Variants in SLC38A6 observed in about 807,000 individuals in gnomAD.
SLC38A6 encodes the protein solute carrier family 38 member 6, also known as N system amino acid transporter NAT-1.
SLC38A6 carries 73 observed loss-of-function variants against 65.0 expected under a neutral mutation model. That is an observed-to-expected ratio of 1.12 (90% CI 0.93 to 1.37). The LOEUF is 1.37. SLC38A6 is among the 40% of genes most tolerant of loss of function. The pLI, the probability that SLC38A6 is intolerant of heterozygous loss-of-function variation, is 0.00. For synonymous variants in SLC38A6, 183 were observed against 178.8 expected, an observed-to-expected ratio of 1.02 and a Z score of -0.19; for missense variants, 561 against 531.1, an observed-to-expected ratio of 1.06 and a Z score of -0.55.
intron 8 of SLC38A6, among the ~76,000 whole-genome samples, chr14:61,041,959 G>GTT (rs144531121): frequency 4.0e-5 from 6 of 150,670 alleles, no homozygotes; most frequent in South Asian, 2.1e-4. Context: ...CATCCTCATC[G>GTT]TTTTTTTTTG....
chr14:60,989,033 A>G (rs1473227959), intron 3 of SLC38A6, among the ~76,000 whole-genome samples: 3 of 152,016 alleles, frequency 2.0e-5, no homozygotes, highest in African/African-American at 7.3e-5. Context: ...GCTTTTTTAT[A>G]TCTTCTCCTG....
At chr14:61,012,474 T>G (rs2139494507) in intron 3 of SLC38A6, among the ~76,000 whole-genome samples, 1 of 152,302 alleles carries the variant, frequency 6.6e-6, no homozygotes, top group South Asian at 2.1e-4. Context: ...TATTGTGATG[T>G]TAGGGTGTCA....
At chr14:61,061,894 A>G (rs958467938) in intron 15 of SLC38A6, among the ~76,000 whole-genome samples, 2 of 151,914 alleles carry the variant, frequency 1.3e-5, no homozygotes, top group Admixed American at 6.6e-5. Context: ...CTGGAGTGCA[A>G]TGGTGTGATC....
intron 6 of SLC38A6, among the ~76,000 whole-genome samples, chr14:61,031,617 A>G (rs1305036010): frequency 6.6e-6 from 1 of 152,080 alleles, no homozygotes; most frequent in Non-Finnish European, 1.5e-5. Flanking sequence ...CACATCTGAT[A>G]CTCAAAACTA....
At chr14:61,015,845 T>TA in intron 3 of SLC38A6, 59 bp from the exon 4 acceptor site, 26 of 1,393,198 alleles carry the variant, frequency 1.9e-5, no homozygotes, top group Non-Finnish European at 2.6e-5. Context: ...CTCTTCTCTT[T>TA]AGGACCTGAC....
At chr14:61,040,401 G>A (rs528214712) in intron 8 of SLC38A6, among the ~76,000 whole-genome samples, 37 of 149,406 alleles carry the variant, frequency 2.5e-4, no homozygotes, top group African/African-American at 8.1e-4. Context: ...GTGCAGTGGC[G>A]CCATCTCGGC....
chr14:61,030,579 A>G, intron 6 of SLC38A6, 56 bp downstream of exon 6: 4 of 1,208,112 alleles, frequency 3.3e-6, no homozygotes, highest in Non-Finnish European at 4.8e-6. Context: ...ATAAATATGT[A>G]TTAAGCTGTA....
chr14:61,007,655 T>C (rs2039244482), intron 3 of SLC38A6, among the ~76,000 whole-genome samples: 1 of 151,690 alleles, frequency 6.6e-6, no homozygotes, highest in Non-Finnish European at 1.5e-5. Flanking sequence ...AAAATAAGAA[T>C]GTACATATTT....
At chr14:61,035,834 C>T (rs1020945158) in intron 6 of SLC38A6, among the ~76,000 whole-genome samples, 19 of 152,056 alleles carry the variant, frequency 1.2e-4, no homozygotes, top group Admixed American at 1.2e-3. Context: ...TTAAAAATGT[C>T]TACATATGTA....
intron 15 of SLC38A6, among the ~76,000 whole-genome samples, chr14:61,067,456 C>A (rs1279549338): frequency 6.6e-6 from 1 of 152,086 alleles, no homozygotes; most frequent in Non-Finnish European, 1.5e-5. Context: ...ATATCCTGAC[C>A]AATGCATTTA....
intron 5 of SLC38A6, among the ~76,000 whole-genome samples, chr14:61,029,082 G>A (rs1395907370): frequency 6.6e-6 from 1 of 151,680 alleles, no homozygotes; most frequent in African/African-American, 2.4e-5. Context: ...AGTTTTGTAA[G>A]GAGAAAGTGA....
rs542356512 is a variant in SLC38A6 at position 61,080,119 on chromosome 14, A to G, written c.1408+1192A>G. Among the ~76,000 whole-genome samples the G allele has an allele frequency of 2.0e-5, 3 of 152,310 alleles. No individual in the cohort carries two copies. The East Asian group carries it at 5.8e-4, about 29-fold the overall frequency. The stretch of plus-strand genomic sequence containing the variant: ...GCATTAAAAGGCAATAACAACAACA[A>G]CAACATAACCTGTTAATTTTATGCA... On this transcript the variant is annotated intron_variant, in intron 16 of 16. Coordinates refer to the SLC38A6 transcript ENST00000354886.
downstream of SLC38A6, among the ~76,000 whole-genome samples, chr14:61,057,024 G>A (rs1237358750): frequency 2.5e-5 from 3 of 120,778 alleles, no homozygotes; most frequent in Non-Finnish European, 5.2e-5. Flanking sequence ...TTTGGGCTGA[G>A]ACGATGGGGT....
At chr14:61,080,575 A>G (rs2043603213) in intron 16 of SLC38A6, among the ~76,000 whole-genome samples, 1 of 152,224 alleles carries the variant, frequency 6.6e-6, no homozygotes, top group South Asian at 2.1e-4. Context: ...GCTCAGAATC[A>G]AGTCTGGGAA....
At chr14:61,043,622 G>A in intron 10 of SLC38A6, 119 bp downstream of exon 10, 1 of 626,868 alleles carries the variant, frequency 1.6e-6, no homozygotes, top group South Asian at 2.7e-5. Context: ...TCATGAAAGT[G>A]CTAAGTATAG....
chr14:60,989,994 C>T (rs1262194421), intron 3 of SLC38A6, among the ~76,000 whole-genome samples: 1 of 151,952 alleles, frequency 6.6e-6, no homozygotes, highest in African/African-American at 2.4e-5. Flanking sequence ...ATTGGTGTAC[C>T]CCTGGGACTA....
intron 15 of SLC38A6, among the ~76,000 whole-genome samples, chr14:61,072,083 G>A (rs1221702499): frequency 6.6e-6 from 1 of 152,170 alleles, no homozygotes; most frequent in Non-Finnish European, 1.5e-5. Flanking sequence ...AACACGTTTG[G>A]TGTCTGGTGA....
chr14:61,037,186 A>T, intron 7 of SLC38A6, 45 bp downstream of exon 7: 1 of 1,384,222 alleles, frequency 7.2e-7, no homozygotes, highest in Non-Finnish European at 9.9e-7. Context: ...AAAGGAAAGA[A>T]GGGAGGGAGG....
At chr14:61,046,402 A>G (rs2042151859) in intron 12 of SLC38A6, among the ~76,000 whole-genome samples, 1 of 152,238 alleles carries the variant, frequency 6.6e-6, no homozygotes, top group South Asian at 2.1e-4. Flanking sequence ...TAAACACTTA[A>G]GTAAAACTTC....
Sources: allele counts gnomAD v4.1 joint callset (sites outside exome capture counted in the v4.1 genomes callset), GRCh38; gene constraint gnomAD v4.1.1; transcripts MANE v1.5; gene names NCBI Gene and HGNC (gene_info 2026-07-23, HGNC 2026-07-21).